WDR72: variants seen among roughly 807,000 people sequenced by gnomAD.
WDR72 encodes the protein WD repeat-containing protein 72.
Under a neutral mutation model 124.2 loss-of-function variants are expected in WDR72, and 120 were observed. The ratio of observed to expected loss-of-function variants is 0.97; its 90% CI spans 0.83 to 1.12. WDR72 has a LOEUF of 1.12. Ranked by LOEUF, WDR72 falls within the 50% of genes most tolerant of loss-of-function variation. WDR72 has a pLI of 0.00. For missense variants in WDR72, 1,387 were observed against 1,278.8 expected (o/e 1.08, Z -1.29); for synonymous variants, 452 against 441.7 (o/e 1.02, Z -0.29).
intron 17 of WDR72, among the ~76,000 whole-genome samples, chr15:53,597,655 A>G (rs2012842265): frequency 6.6e-6 from 1 of 152,210 alleles, no homozygotes; most frequent in African/African-American, 2.4e-5. Flanking sequence ...TTAGATCCTC[A>G]AACCATGTCT....
At position 53,515,295 on chromosome 15, in the gene WDR72, AT is replaced by A. The variant is rs1891401959; in HGVS notation, c.*2403del. 6.6e-6 allele frequency: 1 copy of A among 152,000 alleles called. No individual in the cohort carries two copies. Among genetic ancestry groups the A allele is most frequent in the Admixed American group, 6.6e-5 (1 of 15,252 alleles). The allele number at this position is 152,000 out of a possible 1,614,324, so 9.4% of individuals were successfully genotyped here. On this transcript the variant is annotated 3_prime_UTR_variant, in exon 20 of 20. Coordinates refer to ENST00000360509, the MANE Select transcript of WDR72 (RefSeq NM_182758.4). The stretch of plus-strand genomic sequence containing the variant: ...CCCATATCTCATCAGGAGAAAGACA[AT>A]TTTGAGTTTCTGGGTGTAGTACCAA...
intron 18 of WDR72, among the ~76,000 whole-genome samples, chr15:53,557,991 G>A (rs1893991539): frequency 1.3e-5 from 2 of 151,920 alleles, no homozygotes; most frequent in Non-Finnish European, 1.5e-5. Flanking sequence ...ATGGGTAGAG[G>A]TGACCTCTTC....
chr15:53,674,708 T>C (rs2016105504), intron 13 of WDR72, among the ~76,000 whole-genome samples: 1 of 152,196 alleles, frequency 6.6e-6, no homozygotes, highest in Non-Finnish European at 1.5e-5. Context: ...GGCCCTAATA[T>C]GATAACAAAC....
At chr15:53,670,039 A>G (rs747634556) in intron 13 of WDR72, among the ~76,000 whole-genome samples, 1 of 152,238 alleles carries the variant, frequency 6.6e-6, no homozygotes, top group African/African-American at 2.4e-5. Context: ...TGAGTTAAGC[A>G]TTACTGAAAG....
At chr15:53,520,838 A>AACTT (rs1395447516) in intron 19 of WDR72, among the ~76,000 whole-genome samples, 3 of 152,094 alleles carry the variant, frequency 2.0e-5, no homozygotes, top group African/African-American at 7.2e-5. Context: ...AGAAACATAA[A>AACTT]ACTTATTTTC....
At chr15:53,571,880 A>G (rs997188806) in intron 18 of WDR72, among the ~76,000 whole-genome samples, 1 of 151,748 alleles carries the variant, frequency 6.6e-6, no homozygotes, top group Admixed American at 6.6e-5. Context: ...CCTTACCAAC[A>G]CTTATCTTTC....
At chr15:53,581,196 C>G (rs1158277422) in intron 18 of WDR72, among the ~76,000 whole-genome samples, 1 of 152,002 alleles carries the variant, frequency 6.6e-6, no homozygotes, top group Non-Finnish European at 1.5e-5. Context: ...CAATTTTGTT[C>G]ATGTAAAATT....
At chr15:53,576,138 C>G (rs756504309) in intron 18 of WDR72, among the ~76,000 whole-genome samples, 59 of 149,796 alleles carry the variant, frequency 3.9e-4, no homozygotes, top group Non-Finnish European at 7.5e-4. Flanking sequence ...TAATTACACC[C>G]CTAAAATAGC....
chr15:53,624,537 C>T lies in WDR72; in HGVS notation c.1963-8294G>A, dbSNP rs137933541. On this transcript the variant is annotated intron_variant, in intron 14 of 19. Transcript: ENST00000360509. ...TGTTCTCCTCTTATTATTTTGTGGT[C>T]CACACAGCCACAATAGGCCTAGTGC... Among the ~76,000 whole-genome samples, 1,319 of 152,312 alleles carry T rather than the reference C, an allele frequency of 8.7e-3. 20 individuals are homozygous for T. Among genetic ancestry groups the T allele is most frequent in the African/African-American group, 0.03 (1,232 of 41,566 alleles).
chr15:53,609,870 T>G lies in WDR72; in HGVS notation c.2873-278A>C, dbSNP rs542347581. On this transcript the variant is annotated intron_variant, in intron 16 of 19. Coordinates refer to ENST00000360509, the MANE Select transcript of WDR72 (RefSeq NM_182758.4). ...CACACACACACACACACACACACAA[T>G]TTATATGTAATTCTAACAATTATAC... 1.8e-4 allele frequency among the ~76,000 whole-genome samples: 27 copies of G among 146,602 alleles called. No individual in the cohort carries two copies. In the South Asian group the frequency reaches 5.6e-3, roughly 31 times the overall value.
intron 18 of WDR72, among the ~76,000 whole-genome samples, chr15:53,596,145 C>T (rs1315204827): frequency 6.6e-6 from 1 of 151,986 alleles, no homozygotes; most frequent in Non-Finnish European, 1.5e-5. Flanking sequence ...TAAAAGAAAA[C>T]CCTTTGTGAG....
chr15:53,682,099 ACAATGCACAC>A (rs147512624), intron 13 of WDR72, among the ~76,000 whole-genome samples: 1,960 of 152,262 alleles, frequency 0.013, 31 homozygotes, highest in East Asian at 0.069. Flanking sequence ...CCTGAATTTT[ACAATGCACAC>A]CAGAAACCAC....
At chr15:53,735,071 A>G (rs960911674) in intron 1 of WDR72, among the ~76,000 whole-genome samples, 36 of 152,102 alleles carry the variant, frequency 2.4e-4, no homozygotes, top group African/African-American at 8.7e-4. Flanking sequence ...AGGTAGGTGG[A>G]GCACTTGAAC....
intron 3 of WDR72, among the ~76,000 whole-genome samples, chr15:53,717,490 C>T (rs536580646): frequency 1.3e-5 from 2 of 152,262 alleles, no homozygotes; most frequent in East Asian, 3.9e-4. Flanking sequence ...CAACTGTATG[C>T]ATTTGGTGAT....
chr15:53,747,975 T>C (rs1266216462), intron 1 of WDR72, among the ~76,000 whole-genome samples: 1 of 118,894 alleles, frequency 8.4e-6, no homozygotes, highest in Non-Finnish European at 1.8e-5. Flanking sequence ...CTATTTACAG[T>C]GAAAATCTTT....
chr15:53,578,334 G>A lies in WDR72; in HGVS notation c.3148+18745C>T, dbSNP rs548539492. On this transcript the variant is annotated intron_variant, in intron 18 of 19. Transcript: ENST00000360509. ...GGGCAACAGAGAGGCCTTTCCAGAG[G>A]TTGCCCATGACATGAAGATCTCAGG... 4.6e-4 allele frequency among the ~76,000 whole-genome samples: 70 copies of A among 152,222 alleles called. 2 individuals are homozygous for A. The highest frequency in any genetic ancestry group is 4.1e-3 in the Admixed American group (63 of 15,270).
intron 13 of WDR72, among the ~76,000 whole-genome samples, chr15:53,684,800 T>A (rs1237533901): frequency 1.3e-5 from 2 of 151,496 alleles, no homozygotes; most frequent in African/African-American, 4.8e-5. Context: ...TCTGCAGACT[T>A]AAATGTCCCT....
At chr15:53,539,753 C>T (rs949832985) in intron 18 of WDR72, among the ~76,000 whole-genome samples, 4 of 151,698 alleles carry the variant, frequency 2.6e-5, no homozygotes, top group Admixed American at 6.6e-5. Flanking sequence ...AGTAAAAGAA[C>T]ATATATAGTT....
chr15:53,566,146 A>G (rs754096479), intron 18 of WDR72, among the ~76,000 whole-genome samples: 2 of 151,996 alleles, frequency 1.3e-5, no homozygotes, highest in Non-Finnish European at 2.9e-5. Flanking sequence ...TTTATTACCT[A>G]TAACCACACT....
Sources: allele counts gnomAD v4.1 joint callset (sites outside exome capture counted in the v4.1 genomes callset), GRCh38; gene constraint gnomAD v4.1.1; transcripts MANE v1.5; gene names NCBI Gene and HGNC (gene_info 2026-07-23, HGNC 2026-07-21).